Variants in CERS4 observed in about 807,000 individuals in gnomAD.
The protein encoded by CERS4 is LAG1 homolog, ceramide synthase 4.
A neutral mutation model predicts 51.8 loss-of-function variants in CERS4; 65 were observed. That is an observed-to-expected ratio of 1.26 (90% CI 1.03 to 1.54). CERS4 has a LOEUF of 1.54. Among genes scored for constraint, CERS4 ranks in the 40% most tolerant of loss-of-function variants. The pLI is 0.00. For synonymous variants in CERS4, 228 were observed against 208.4 expected, an observed-to-expected ratio of 1.09 and a Z score of -0.81; for missense variants, 563 against 500.4, an observed-to-expected ratio of 1.13 and a Z score of -1.19.
At chr19:8,251,022 G>C in intron 2 of CERS4, 54 bp from the exon 3 acceptor site, 1 of 1,520,458 alleles carries the variant, frequency 6.6e-7, no homozygotes, top group Non-Finnish European at 8.8e-7. Context: ...GGCCCCACTT[G>C]CCCCACCCAT....
At chr19:8,212,786 G>A (rs1433297375) in intron 2 of CERS4, among the ~76,000 whole-genome samples, 1 of 151,114 alleles carries the variant, frequency 6.6e-6, no homozygotes, top group East Asian at 2.0e-4. Flanking sequence ...TTACAGGTGC[G>A]AACCACCACA....
intron 2 of CERS4, among the ~76,000 whole-genome samples, chr19:8,245,094 C>A (rs36022758): frequency 0.84 from 117,793 of 140,524 alleles, 49,284 homozygotes; most frequent in Middle Eastern, 0.88. Flanking sequence ...GCTGGGCGAC[C>A]GAGCGAGACT....
At chr19:8,237,773 C>T (rs1464384352) in intron 2 of CERS4, among the ~76,000 whole-genome samples, 2 of 152,046 alleles carry the variant, frequency 1.3e-5, no homozygotes, top group African/African-American at 4.8e-5. Flanking sequence ...ATGGCGTGAA[C>T]CCGGGAGGTG....
chr19:8,246,103 AAAAC>A (rs1968775963), intron 2 of CERS4, among the ~76,000 whole-genome samples: 1 of 151,598 alleles, frequency 6.6e-6, no homozygotes, highest in African/African-American at 2.4e-5. Flanking sequence ...CAACAACAAA[AAAAC>A]AAAAAAACTG....
chr19:8,221,891 T>TTG (rs1967574188), intron 2 of CERS4, among the ~76,000 whole-genome samples: 4 of 120,376 alleles, frequency 3.3e-5, no homozygotes, highest in East Asian at 4.5e-4. Context: ...TTTTTTTTTT[T>TTG]TTTTTTTTGA....
Position 8,255,614 on chromosome 19 carries a change from T to C in CERS4, c.299T>C (p.Leu100Pro), listed in dbSNP as rs762939385. Reference protein sequence around the residue: ...TEGHRPKEPQLSLLAAQCGLT... With the variant: ...TEGHRPKEPQPSLLAAQCGLT... ...TCATCACCCCCTCCCCAGCCCCAGC[T>C]GTCTCTCCTGGCCGCCCAGTGTGGC... Residue 100 changes from leucine (L) to proline (P), a missense_variant, in exon 5 of 12, where the codon CTG becomes CCG. By Grantham distance (98) the Leu-to-Pro change is moderately conservative. Coordinates refer to ENST00000251363, the MANE Select transcript of CERS4 (RefSeq NM_024552.3). The C allele has an allele frequency of 2.5e-6, 4 of 1,611,146 alleles. No individual in the cohort carries two copies. The highest frequency in any genetic ancestry group is 2.2e-5 in the East Asian group (1 of 44,882).
chr19:8,241,669 T>C (rs1968544603), intron 2 of CERS4, among the ~76,000 whole-genome samples: 1 of 152,158 alleles, frequency 6.6e-6, no homozygotes, highest in Admixed American at 6.5e-5. Flanking sequence ...GAGGGGCTAT[T>C]GTTTGTTCCA....
chr19:8,224,788 G>A (rs995165419), intron 2 of CERS4, among the ~76,000 whole-genome samples: 2 of 152,134 alleles, frequency 1.3e-5, no homozygotes, highest in African/African-American at 2.4e-5. Flanking sequence ...GGACTGTCGC[G>A]GGAAAGACGG....
intron 2 of CERS4, among the ~76,000 whole-genome samples, chr19:8,227,885 C>T (rs142702005): frequency 4.6e-4 from 70 of 152,090 alleles, no homozygotes; most frequent in Non-Finnish European, 7.5e-4. Flanking sequence ...TGTTTTGAGA[C>T]GGAGTCTCAC....
At chr19:8,219,032 C>A (rs1326965345) in intron 2 of CERS4, among the ~76,000 whole-genome samples, 1 of 151,714 alleles carries the variant, frequency 6.6e-6, no homozygotes, top group African/African-American at 2.4e-5. Flanking sequence ...CGTGGTAAAA[C>A]CCCATCTCTA....
chr19:8,257,240 A>T (rs1485229224), intron 9 of CERS4, 163 bp downstream of exon 9: 1 of 732,758 alleles, frequency 1.4e-6, no homozygotes, highest in Admixed American at 2.9e-5. Flanking sequence ...TTCCAGGCTG[A>T]TAAGGCCCCA....
At chr19:8,250,787 C>G (rs1969037132) in intron 2 of CERS4, 2 of 1,143,704 alleles carry the variant, frequency 1.7e-6, no homozygotes, top group South Asian at 7.1e-5. Context: ...ACTTGAGGTT[C>G]AGAGAGGTCA....
chr19:8,256,208 G>A (rs762766104), intron 6 of CERS4, 28 bp from the exon 7 acceptor site: 9 of 1,603,540 alleles, frequency 5.6e-6, no homozygotes, highest in East Asian at 2.2e-5. Flanking sequence ...TCTCACCTCT[G>A]CACAGCCTGA....
At chr19:8,228,723 A>AT (rs1967887322) in intron 2 of CERS4, among the ~76,000 whole-genome samples, 2 of 46,932 alleles carry the variant, frequency 4.3e-5, no homozygotes, top group African/African-American at 1.8e-4. Context: ...CCCACTCCTT[A>AT]TAAAAAAAAA....
intron 2 of CERS4, among the ~76,000 whole-genome samples, chr19:8,242,526 C>T (rs1968581100): frequency 6.6e-6 from 1 of 152,174 alleles, no homozygotes; most frequent in Non-Finnish European, 1.5e-5. Flanking sequence ...CACAGTAAGA[C>T]AGGGTTGCGG....
chr19:8,252,235 T>C (rs1969123534), intron 3 of CERS4, among the ~76,000 whole-genome samples: 1 of 151,558 alleles, frequency 6.6e-6, no homozygotes, highest in African/African-American at 2.4e-5. Context: ...TTGGGTGTGG[T>C]GGCACATGCC....
intron 2 of CERS4, among the ~76,000 whole-genome samples, chr19:8,217,874 T>C (rs974975380): frequency 4.6e-5 from 7 of 152,170 alleles, no homozygotes; most frequent in African/African-American, 1.7e-4. Flanking sequence ...GGTTTTGCCA[T>C]GCTGGCCAGA....
intron 10 of CERS4, among the ~76,000 whole-genome samples, chr19:8,259,325 G>A (rs1180829124): frequency 6.6e-6 from 1 of 152,156 alleles, no homozygotes; most frequent in Admixed American, 6.6e-5. Flanking sequence ...CCTGAGGCAA[G>A]ACCATGCCCG....
Position 8,262,184 on chromosome 19 carries a change from C to T in CERS4, c.*75C>T, listed in dbSNP as rs1490254252. 41 of 1,365,614 alleles carry T rather than the reference C, an allele frequency of 3.0e-5. No individual in the cohort carries two copies. Among genetic ancestry groups the T allele is most frequent in the Non-Finnish European group, 3.8e-5 (40 of 1,060,466 alleles). 84.6% of individuals were successfully genotyped at this position (1,365,614 alleles called of 1,614,324 possible). A position where few individuals can be genotyped will look rare whatever the true frequency, so the allele number is the denominator to read the frequency against. On this transcript the variant is annotated 3_prime_UTR_variant, in exon 12 of 12. Coordinates refer to ENST00000251363, the MANE Select transcript of CERS4 (RefSeq NM_024552.3). The stretch of plus-strand genomic sequence containing the variant: ...ATTTCTGGGGTGACTGGACTGGCGC[C>T]CCTGGGCCACCTTTCTGGAGACAGG...
Sources: gnomAD v4.1 joint callset for allele counts (sites outside exome capture counted in the v4.1 genomes callset) on GRCh38, gnomAD v4.1.1 for gene constraint, MANE v1.5 for transcripts, NCBI Gene and HGNC (gene_info 2026-07-23, HGNC 2026-07-21) for gene names.